The following RAD51B variants were observed in gnomAD, a reference collection of about 807,000 sequenced individuals.
RAD51B encodes the protein DNA repair protein RAD51 homolog 2.
RAD51B carries 38 observed loss-of-function variants against 42.2 expected under a neutral mutation model. That is an observed-to-expected ratio of 0.90 (90% confidence interval 0.70 to 1.18). The LOEUF (loss-of-function observed/expected upper bound fraction) is 1.18. Among genes scored for constraint, RAD51B ranks in the 50% most tolerant of loss-of-function variants. The pLI, the probability that RAD51B is intolerant of heterozygous loss-of-function variation, is 0.00. For synonymous variants in RAD51B, 154 were observed against 145.2 expected, an observed-to-expected ratio of 1.06 and a Z score of -0.43; for missense variants, 373 against 400.7, an observed-to-expected ratio of 0.93 and a Z score of 0.59.
chr14:68,534,605 G>A (rs1025893130), intron 10 of RAD51B, among the ~76,000 whole-genome samples: 3 of 152,156 alleles, frequency 2.0e-5, no homozygotes, highest in African/African-American at 7.2e-5. Context: ...TCAGGTTTTG[G>A]TGAAGGCGCG....
intron 7 of RAD51B, chr14:68,069,514 A>C (rs1265492913): frequency 6.6e-6 from 1 of 152,070 alleles, no homozygotes; most frequent in African/African-American, 2.4e-5. Flanking sequence ...TTTAGCCCCC[A>C]CTTATAAGTG....
intron 7 of RAD51B, among the ~76,000 whole-genome samples, chr14:67,987,065 T>C (rs1477872345): frequency 6.6e-6 from 1 of 152,076 alleles, no homozygotes; most frequent in Non-Finnish European, 1.5e-5. Context: ...TGTGGGTACA[T>C]AGTCAGTGTA....
In RAD51B at chr14:67,825,538, A is replaced by G. The variant is rs781105366; in HGVS notation, c.159A>G (p.Leu53=). 1.1e-5 allele frequency: 18 copies of G among 1,613,358 alleles called. No individual in the cohort carries two copies. Among genetic ancestry groups the G allele is most frequent in the African/African-American group, 2.7e-5 (2 of 74,890 alleles). Residue 53 remains leucine, a synonymous_variant, in exon 3 of 11, where the codon CTA becomes CTG. Coordinates refer to ENST00000471583, the MANE Select transcript of RAD51B (RefSeq NM_133510.4). ...GLSYRGVHEL[L]CMVSRACAPK... ...GTTATCGAGGTGTCCATGAACTTCT[A>G]TGTATGGTCAGCAGGGCCTGTGCCC...
chr14:68,004,348 A>T (rs1164667951), intron 7 of RAD51B, among the ~76,000 whole-genome samples: 3 of 151,158 alleles, frequency 2.0e-5, no homozygotes, highest in African/African-American at 7.3e-5. Flanking sequence ...AAAAAAAAAA[A>T]AAAAAAAGAA....
intron 7 of RAD51B, among the ~76,000 whole-genome samples, chr14:68,026,991 C>G (rs1218742983): frequency 6.6e-6 from 1 of 152,092 alleles, no homozygotes; most frequent in Non-Finnish European, 1.5e-5. Flanking sequence ...TCTCTTGATT[C>G]CATGTTTAGC....
At chr14:68,263,574 ATACAG>A (rs1298537966) in intron 7 of RAD51B, among the ~76,000 whole-genome samples, 3 of 152,262 alleles carry the variant, frequency 2.0e-5, no homozygotes, top group South Asian at 4.1e-4. Context: ...TTAGTTACCT[ATACAG>A]TAAAGATAAA....
At chr14:67,832,327 A>G (rs2041081799) in intron 3 of RAD51B, among the ~76,000 whole-genome samples, 1 of 152,226 alleles carries the variant, frequency 6.6e-6, no homozygotes, top group African/African-American at 2.4e-5. Flanking sequence ...GTTAGTGAAA[A>G]AAGCAGGCTA....
intron 7 of RAD51B, among the ~76,000 whole-genome samples, chr14:68,091,752 G>T (rs12881361): frequency 6.6e-6 from 1 of 152,060 alleles, no homozygotes; most frequent in African/African-American, 2.4e-5. Context: ...CTTTTGGTGT[G>T]TTAGACATGA....
At chr14:68,359,745 A>G (rs2082983548) in intron 8 of RAD51B, among the ~76,000 whole-genome samples, 1 of 152,218 alleles carries the variant, frequency 6.6e-6, no homozygotes, top group Non-Finnish European at 1.5e-5. Flanking sequence ...GTAGGGGGGC[A>G]GTGTTTTTTC....
intron 3 of RAD51B, 30 bp from the exon 4 acceptor site, chr14:67,835,049 TG>T (rs2041184327): frequency 1.5e-6 from 2 of 1,353,086 alleles, no homozygotes; most frequent in African/African-American, 1.7e-5. Flanking sequence ...ATATAGAGGT[TG>T]AAAAAAAACT....
chr14:68,226,187 T>C (rs1198949020), intron 7 of RAD51B, among the ~76,000 whole-genome samples: 6 of 152,182 alleles, frequency 3.9e-5, no homozygotes, highest in Non-Finnish European at 8.8e-5. Flanking sequence ...ATTAGTTGAG[T>C]GTTCTTATAC....
intron 7 of RAD51B, among the ~76,000 whole-genome samples, chr14:68,104,289 C>T (rs2077340262): frequency 6.6e-6 from 1 of 152,064 alleles, no homozygotes; most frequent in South Asian, 2.1e-4. Context: ...AAGATTCTGG[C>T]TTCTATGGAA....
intron 7 of RAD51B, among the ~76,000 whole-genome samples, chr14:68,044,628 T>C (rs1352492678): frequency 6.6e-6 from 1 of 152,172 alleles, no homozygotes; most frequent in Non-Finnish European, 1.5e-5. Context: ...ATTTATGTTT[T>C]TCTTCTTCTT....
chr14:68,486,842 T>C (rs1415491098), intron 10 of RAD51B, among the ~76,000 whole-genome samples: 2 of 152,230 alleles, frequency 1.3e-5, no homozygotes, highest in African/African-American at 4.8e-5. Flanking sequence ...TTTAGTGAGA[T>C]GGCCTGAGTT....
chr14:68,244,231 C>T (rs2080448874), intron 7 of RAD51B, among the ~76,000 whole-genome samples: 1 of 152,134 alleles, frequency 6.6e-6, no homozygotes. Context: ...CGGGAATCCT[C>T]ACTGAAGTCT....
chr14:68,640,715 G>A (rs1892443373), intron 10 of RAD51B, among the ~76,000 whole-genome samples: 1 of 152,216 alleles, frequency 6.6e-6, no homozygotes, highest in Non-Finnish European at 1.5e-5. Flanking sequence ...CAAGGGATGG[G>A]CTGAAGTATT....
intron 4 of RAD51B, chr14:67,858,158 C>T (rs2042056404): frequency 6.6e-6 from 1 of 152,380 alleles, no homozygotes; most frequent in South Asian, 2.1e-4. Context: ...CAGTTGGCCC[C>T]TTACCTCGTT....
chr14:68,220,469 G>A (rs2079902276), intron 7 of RAD51B, among the ~76,000 whole-genome samples: 1 of 152,108 alleles, frequency 6.6e-6, no homozygotes, highest in African/African-American at 2.4e-5. Flanking sequence ...CACACCTTAA[G>A]GTAATATAAG....
intron 7 of RAD51B, among the ~76,000 whole-genome samples, chr14:67,969,080 T>C (rs2074844455): frequency 6.6e-6 from 1 of 152,134 alleles, no homozygotes; most frequent in Admixed American, 6.5e-5. Context: ...CTCATGAGAC[T>C]TATTCACTAT....
Sources: allele counts gnomAD v4.1 joint callset (sites outside exome capture counted in the v4.1 genomes callset), GRCh38; gene constraint gnomAD v4.1.1; transcripts MANE v1.5; gene names NCBI Gene and HGNC (gene_info 2026-07-23, HGNC 2026-07-21).